Variants in FAT2 observed in about 807,000 individuals in gnomAD.
FAT2 encodes the protein protocadherin Fat 2.
Under a neutral mutation model 295.3 loss-of-function variants are expected in FAT2, and 150 were observed. The ratio of observed to expected loss-of-function variants is 0.51; its 90% CI spans 0.44 to 0.58. The LOEUF is 0.58. Among genes scored for constraint, FAT2 ranks in the 20% least tolerant of loss-of-function variants. FAT2 has a pLI of 0.00. For missense variants in FAT2, 4,868 were observed against 5,442.7 expected, an observed-to-expected ratio of 0.89 and a Z score of 3.32; for synonymous variants, 2,026 against 2,150.3, an observed-to-expected ratio of 0.94 and a Z score of 1.60.
chr5:151,562,011 A>AG (rs549631678), intron 3 of FAT2, among the ~76,000 whole-genome samples: 2 of 152,142 alleles, frequency 1.3e-5, no homozygotes, highest in Non-Finnish European at 2.9e-5. Context: ...AGGGACAGGG[A>AG]GGGACAGGGT....
chr5:151,593,338 G>A (rs999717331), upstream of FAT2, among the ~76,000 whole-genome samples: 1 of 151,964 alleles, frequency 6.6e-6, no homozygotes, highest in Non-Finnish European at 1.5e-5. Context: ...AGCCTGTCCA[G>A]CGCAGGGACT....
rs778563757 is a variant in FAT2, at chr5:151,510,065, G to T, written c.12015C>A (p.Pro4005=). 19 of 1,614,152 alleles carry T rather than the reference G, an allele frequency of 1.2e-5. No homozygotes were observed. The highest frequency in any genetic ancestry group is 2.2e-5 in the East Asian group (1 of 44,880). Residue 4005 remains proline (P), a synonymous_variant, in exon 22 of 24, where the codon CCC becomes CCA. Coordinates refer to ENST00000261800, the MANE Select transcript of FAT2 (RefSeq NM_001447.3). Reference sequence around the variant, plus strand: ...GAGGGCAGTTACAGGAAGCTCCTTTGGGGGAGAGGATGCAAGTTCCACCTT... The same window carrying T: ...GAGGGCAGTTACAGGAAGCTCCTTTTGGGGAGAGGATGCAAGTTCCACCTT... The part of the protein sequence containing the change: ...CLEGGTCILS[P]KGASCNCPHP...
Position 151,546,494 on chromosome 5 carries a change from T to G in FAT2, c.4790-157A>C, listed in dbSNP as rs566945638. Among the ~76,000 whole-genome samples the G allele has an allele frequency of 4.6e-5, 7 of 152,312 alleles. No homozygotes were observed. In the South Asian group the frequency reaches 1.5e-3, roughly 32 times the overall value. On this transcript the variant is annotated intron_variant, in intron 9 of 23. Coordinates refer to ENST00000261800, the MANE Select transcript of FAT2 (RefSeq NM_001447.3). ...TGGATATAGTGTATAGAGTAGATAC[T>G]TTATAAAATCTCTAACATGGTGTGC...
chr5:151,536,380 G>A (rs550714495), intron 12 of FAT2, among the ~76,000 whole-genome samples: 52 of 152,146 alleles, frequency 3.4e-4, no homozygotes, highest in African/African-American at 1.3e-3. Context: ...AGCTTCCTGC[G>A]ACACCCTTCT....
At chr5:151,548,352 TATC>T (rs1756859740) in intron 9 of FAT2, among the ~76,000 whole-genome samples, 1 of 152,016 alleles carries the variant, frequency 6.6e-6, no homozygotes, top group African/African-American at 2.4e-5. Flanking sequence ...TATTACAAAT[TATC>T]ATTAATAATT....
At position 151,542,545 on chromosome 5, in the gene FAT2, T is replaced by C. The variant is rs148813282; in HGVS notation, c.8582A>G (p.Gln2861Arg). The C allele has an allele frequency of 8.1e-6, 13 of 1,614,102 alleles. No homozygotes were observed. Among genetic ancestry groups the C allele is most frequent in the African/African-American group, 2.7e-5 (2 of 74,932 alleles). The change falls in exon 10 of 24, where the codon CAG (glutamine) becomes CGG (arginine). Residue 2861 changes from glutamine to arginine, a missense_variant. Physicochemically the swap from Gln to Arg is conservative, Grantham distance 43. Transcript: ENST00000261800. The part of the protein sequence containing the change: ...DSESGWITTL[Q>R]ELDCETCQTY... ...CTGGCAGGTCTCACAGTCAAGTTCC[T>C]GGAGTGTGGTGATCCAACCACTCTC... is the stretch of plus-strand genomic sequence containing the variant.
In FAT2 at chr5:151,563,381, G is replaced by T; in HGVS notation, c.3518C>A (p.Thr1173Asn). 1 of 1,614,222 alleles carries T rather than the reference G, an allele frequency of 6.2e-7. No homozygotes were observed. Among genetic ancestry groups the T allele is most frequent in the South Asian group, 1.1e-5 (1 of 91,084 alleles). Reference protein sequence around the residue: ...DPDSSSKGKLTFNITSGNYMG... With the variant: ...DPDSSSKGKLNFNITSGNYMG... ...GTAGTTCCCACTGGTGATGTTGAAG[G>T]TCAGCTTCCCTTTGGAGCTGGAGTC... is the stretch of plus-strand genomic sequence containing the variant. The change falls in exon 3 of 24, where the codon ACC (threonine) becomes AAC (asparagine). Residue 1173 changes from threonine (T) to asparagine (N), a missense_variant. This residue lies in a region of FAT2 where 3,297 missense variants were observed against 3,669.4 expected (regional missense o/e 0.90). Coordinates refer to ENST00000261800, the MANE Select transcript of FAT2 (RefSeq NM_001447.3).
At chr5:151,580,356 C>T (rs1236048216) in intron 1 of FAT2, among the ~76,000 whole-genome samples, 7 of 152,184 alleles carry the variant, frequency 4.6e-5, no homozygotes, top group Non-Finnish European at 1.0e-4. Flanking sequence ...TCAGTTTCCC[C>T]ATTTGTGAAA....
Position 151,512,115 on chromosome 5 carries a change from A to C in FAT2, c.11905+50T>G. 20 of 1,552,938 alleles carry C rather than the reference A, an allele frequency of 1.3e-5. No individual in the cohort carries two copies. The highest frequency in any genetic ancestry group is 1.4e-5 in the Non-Finnish European group (16 of 1,139,138). ...ACCCTGACATGCTTTTCCCACCTGA[A>C]GAGCCTTCTGGGATAAACCCTGGGT... On this transcript the variant is annotated intron_variant, in intron 21 of 23. Transcript: ENST00000261800. The surrounding 1 kb of genome is among the most constrained non-coding windows in gnomAD (Gnocchi z 4.1).
In FAT2 at chr5:151,505,303, TC is replaced by T; in HGVS notation, c.*261del. ...CTCGCCCACCCCGGGAGTCAATTGTTCCTGGTTTTCCAGGGTCACTGCTCTA... is the reference window on the plus strand; with the variant it reads ...CTCGCCCACCCCGGGAGTCAATTGTTCTGGTTTTCCAGGGTCACTGCTCTA... On this transcript the variant is annotated 3_prime_UTR_variant, in exon 24 of 24. Transcript: ENST00000261800. The T allele has an allele frequency of 1.9e-6, 1 of 538,080 alleles. No homozygotes were observed. Among genetic ancestry groups the T allele is most frequent in the Middle Eastern group, 4.9e-4 (1 of 2,052 alleles). The allele number at this position is 538,080 out of a possible 1,614,324, so 33.3% of individuals were successfully genotyped here. A position where few individuals can be genotyped will look rare whatever the true frequency, so the allele number is the denominator to read the frequency against.
intron 1 of FAT2, among the ~76,000 whole-genome samples, chr5:151,573,515 G>A (rs1387655973): frequency 1.3e-5 from 2 of 152,100 alleles, no homozygotes; most frequent in African/African-American, 2.4e-5. Flanking sequence ...TTAGCTGGGC[G>A]CAGTGGCATG....
chr5:151,515,817 CG>C (rs1752809546), intron 20 of FAT2, among the ~76,000 whole-genome samples: 1 of 152,176 alleles, frequency 6.6e-6, no homozygotes, highest in Admixed American at 6.5e-5. Context: ...TCTCTAAAGT[CG>C]ATTCTCAACA....
intron 10 of FAT2, among the ~76,000 whole-genome samples, chr5:151,541,677 A>G (rs957515630): frequency 6.6e-6 from 1 of 152,266 alleles, no homozygotes. Flanking sequence ...ATTTAGTTTT[A>G]CAGTAGGTAT....
chr5:151,527,492 C>T, intron 16 of FAT2, 115 bp from the exon 17 acceptor site: 2 of 1,013,516 alleles, frequency 2.0e-6, no homozygotes, highest in South Asian at 4.0e-5. Context: ...TTCCTATGCC[C>T]ACCCCCACTG....
At chr5:151,573,891 G>T (rs762385987) in intron 1 of FAT2, among the ~76,000 whole-genome samples, 1 of 152,132 alleles carries the variant, frequency 6.6e-6, no homozygotes, top group Non-Finnish European at 1.5e-5. Context: ...GTTTGAACGT[G>T]GAGGGCTCCT....
intron 19 of FAT2, among the ~76,000 whole-genome samples, chr5:151,518,765 G>A (rs1386439856): frequency 6.6e-6 from 1 of 152,190 alleles, no homozygotes; most frequent in Non-Finnish European, 1.5e-5. Flanking sequence ...CTTTGACTGT[G>A]GGACACTCTT....
chr5:151,517,677 T>A lies in FAT2; in HGVS notation c.11406A>T (p.Thr3802=). ...ATAGAAGAATGGCCTGTGGCTGGAG[T>A]GTTTTCAGATAGAAATGGATGTGCC... The part of the protein sequence containing the change: ...RNWHIHFYLK[T]LQPQAILLFT... Residue 3802 remains threonine (T), a synonymous_variant, in exon 20 of 24, where the codon ACA becomes ACT. Transcript: ENST00000261800. The A allele has an allele frequency of 6.2e-7, 1 of 1,613,596 alleles. No individual in the cohort carries two copies. The highest frequency in any genetic ancestry group is 8.5e-7 in the Non-Finnish European group (1 of 1,179,896).
Position 151,543,313 on chromosome 5 carries a change from A to G in FAT2, c.7814T>C (p.Ile2605Thr). The G allele has an allele frequency of 6.2e-7, 1 of 1,614,200 alleles. No individual in the cohort carries two copies. ...QSNVSKDSPV[I>T]QVLAYDADEG... ...ATCTGCATCATAGGCCAACACCTGG[A>G]TAACCGGAGAGTCTTTACTGACATT... The change falls in exon 10 of 24, where the codon ATC becomes ACC. Residue 2605 changes from isoleucine to threonine, a missense_variant. Around this residue, in one of 5 missense-constraint regions of FAT2, gnomAD observed 3,297 missense variants for 3,669.4 expected, o/e 0.90. Coordinates refer to ENST00000261800, the MANE Select transcript of FAT2 (RefSeq NM_001447.3).
At chr5:151,507,784 A>C (rs1761014433) in intron 22 of FAT2, among the ~76,000 whole-genome samples, 173 bp from the exon 23 acceptor site, 1 of 151,808 alleles carries the variant, frequency 6.6e-6, no homozygotes, top group South Asian at 2.1e-4. Flanking sequence ...TCCACCTTCC[A>C]CCAGTAAAGT....
Sources: allele counts gnomAD v4.1 joint callset (sites outside exome capture counted in the v4.1 genomes callset), GRCh38; gene constraint gnomAD v4.1.1; regional missense constraint gnomAD v4.1.1; non-coding constraint Gnocchi (gnomAD v3.1); transcripts MANE v1.5; gene names NCBI Gene and HGNC (gene_info 2026-07-23, HGNC 2026-07-21).